SLC16A9: variants seen among roughly 807,000 people sequenced by gnomAD.
The protein encoded by SLC16A9 is solute carrier family 16 member 9.
In SLC16A9, 26 loss-of-function variants were observed where a neutral mutation model predicts 44.3. The ratio of observed to expected loss-of-function variants is 0.59; its 90% CI spans 0.43 to 0.81. The LOEUF (loss-of-function observed/expected upper bound fraction) is 0.81, where lower values mean the gene tolerates loss of function less well. Ranked by LOEUF, SLC16A9 falls within the 40% of genes least tolerant of loss-of-function variation. The pLI, the probability that SLC16A9 is intolerant of heterozygous loss-of-function variation, is 0.00. For synonymous variants in SLC16A9, 230 were observed against 225.1 expected (o/e 1.02, Z -0.19); for missense variants, 559 against 595.8 (o/e 0.94, Z 0.64).
chr10:59,687,203 C>G (rs1400166281), intron 1 of SLC16A9, among the ~76,000 whole-genome samples: 1 of 152,166 alleles, frequency 6.6e-6, no homozygotes, highest in African/African-American at 2.4e-5. Flanking sequence ...CCGTGCCTGG[C>G]CCCTAATTTC....
At chr10:59,690,363 T>C (rs35209863) in intron 1 of SLC16A9, among the ~76,000 whole-genome samples, 19,759 of 152,184 alleles carry the variant, frequency 0.13, 1,375 homozygotes, top group Non-Finnish European at 0.14. Flanking sequence ...TGGGAAGGTG[T>C]GTCCACGTGG....
rs576384821 is a variant in SLC16A9, at chr10:59,682,388, T to C, written c.196+1708A>G. Among the ~76,000 whole-genome samples, 14 of 152,334 alleles carry C rather than the reference T, an allele frequency of 9.2e-5. No individual in the cohort carries two copies. The East Asian group carries it at 2.3e-3, about 25-fold the overall frequency. On this transcript the variant is annotated intron_variant, in intron 2 of 5. Coordinates refer to ENST00000395348, the MANE Select transcript of SLC16A9 (RefSeq NM_194298.3). ...GCCTAAGAGTAAAGAGGGCTGCTCC[T>C]GGCTCTTGAGATGAGTTATCATCCA...
At chr10:59,666,440 TC>T (rs1164036905) in intron 3 of SLC16A9, among the ~76,000 whole-genome samples, 8 of 152,212 alleles carry the variant, frequency 5.3e-5, no homozygotes, top group Admixed American at 5.2e-4. Context: ...GTTAGTCAAG[TC>T]AAACCTATTT....
chr10:59,670,387 C>A (rs2132445666), intron 3 of SLC16A9, among the ~76,000 whole-genome samples: 1 of 152,312 alleles, frequency 6.6e-6, no homozygotes, highest in Non-Finnish European at 1.5e-5. Flanking sequence ...CTATGTCACC[C>A]ATCTTCACAA....
intron 1 of SLC16A9, among the ~76,000 whole-genome samples, chr10:59,701,995 C>G (rs1840533937): frequency 2.0e-5 from 3 of 152,140 alleles, no homozygotes. Context: ...AGGGACTAGC[C>G]CACAAGTCTA....
chr10:59,697,730 A>T (rs1024065263), intron 1 of SLC16A9, among the ~76,000 whole-genome samples: 3 of 150,310 alleles, frequency 2.0e-5, no homozygotes, highest in East Asian at 1.9e-4. Flanking sequence ...AATGATCAAT[A>T]AAAAAAATAA....
At chr10:59,664,094 G>T in intron 4 of SLC16A9, 133 bp downstream of exon 4, 1 of 378,388 alleles carries the variant, frequency 2.6e-6, no homozygotes, top group Non-Finnish European at 4.7e-6. Context: ...TTTCCTTCCA[G>T]AAGTAAAGAA....
intron 1 of SLC16A9, among the ~76,000 whole-genome samples, chr10:59,700,546 A>G (rs1156531633): frequency 6.6e-6 from 1 of 152,258 alleles, no homozygotes; most frequent in African/African-American, 2.4e-5. Flanking sequence ...TCTAGTAACC[A>G]TCCAAGCATA....
intron 1 of SLC16A9, among the ~76,000 whole-genome samples, chr10:59,703,161 C>G (rs1840561410): frequency 6.6e-6 from 1 of 152,204 alleles, no homozygotes; most frequent in Admixed American, 6.5e-5. Flanking sequence ...GCTGTGTTGC[C>G]AGGCTGGGGT....
At chr10:59,677,243 AC>A (rs1460130932) in intron 2 of SLC16A9, among the ~76,000 whole-genome samples, 1 of 149,140 alleles carries the variant, frequency 6.7e-6, no homozygotes, top group Admixed American at 6.7e-5. Context: ...AGTTACCACC[AC>A]TCCTGGCTAA....
At chr10:59,656,058 T>G (rs1200845535) in intron 4 of SLC16A9, among the ~76,000 whole-genome samples, 1 of 152,206 alleles carries the variant, frequency 6.6e-6, no homozygotes, top group African/African-American at 2.4e-5. Flanking sequence ...CATGCAAATA[T>G]TAATGTTTCA....
At chr10:59,686,977 G>C (rs139318513) in intron 1 of SLC16A9, among the ~76,000 whole-genome samples, 2 of 152,138 alleles carry the variant, frequency 1.3e-5, no homozygotes, top group Non-Finnish European at 2.9e-5. Flanking sequence ...GCACAATCTC[G>C]GCCCACAGCA....
chr10:59,668,015 C>G (rs1163363132), intron 3 of SLC16A9, among the ~76,000 whole-genome samples: 1 of 152,020 alleles, frequency 6.6e-6, no homozygotes, highest in Non-Finnish European at 1.5e-5. Context: ...CACCCACGGC[C>G]TAAATTATCA....
intron 4 of SLC16A9, among the ~76,000 whole-genome samples, chr10:59,657,707 G>GGTCA (rs1433696585): frequency 6.6e-6 from 1 of 152,150 alleles, no homozygotes; most frequent in African/African-American, 2.4e-5. Flanking sequence ...GGGAAACCTA[G>GGTCA]GTCAGAATTA....
At chr10:59,696,744 T>C (rs1290564588) in intron 1 of SLC16A9, among the ~76,000 whole-genome samples, 2 of 151,470 alleles carry the variant, frequency 1.3e-5, no homozygotes, top group Non-Finnish European at 2.9e-5. Flanking sequence ...GGAGTGTCTC[T>C]GCCCGGCCGC....
rs749649005 is a variant in SLC16A9, at chr10:59,654,023, T to C, written c.1003A>G (p.Asn335Asp). ...ATAATAAACTCTTCTTCTTTCACGT[T>C]TGAACTTCTTGCTACATCTTCCATA... is the stretch of plus-strand genomic sequence containing the variant. ...LLMEDVARSSNVKEEEFIMPL... is the reference protein window; with the variant it reads ...LLMEDVARSSDVKEEEFIMPL... Residue 335 changes from asparagine to aspartate, a missense_variant, in exon 5 of 6, where the codon AAC becomes GAC. Asn to Asp is a conservative substitution (Grantham distance 23, BLOSUM62 1). Transcript: ENST00000395348. 1 of 1,614,020 alleles carries C rather than the reference T, an allele frequency of 6.2e-7. No homozygotes were observed. Among genetic ancestry groups the C allele is most frequent in the South Asian group, 1.1e-5 (1 of 91,068 alleles).
At chr10:59,701,203 C>T (rs1305921647) in intron 1 of SLC16A9, among the ~76,000 whole-genome samples, 1 of 152,144 alleles carries the variant, frequency 6.6e-6, no homozygotes, top group Non-Finnish European at 1.5e-5. Context: ...CCCAGCTACC[C>T]GTCTCCAGCA....
In SLC16A9 at chr10:59,652,812, G is replaced by C. The variant is rs143367895; in HGVS notation, c.1490C>G (p.Ala497Gly). 163 of 1,612,368 alleles carry C rather than the reference G, an allele frequency of 1.0e-4. No individual in the cohort carries two copies. The African/African-American group carries it at 1.9e-3, about 19-fold the overall frequency. ...AACTTTGTACAAGAAAGTTGTTGGAGCTGGCTTGGGGAGTTGCTTGTTGCA... is the reference window on the plus strand; with the variant it reads ...AACTTTGTACAAGAAAGTTGTTGGACCTGGCTTGGGGAGTTGCTTGTTGCA... ...DTCNKQLPKP[A>G]PTTFLYKVAS... Residue 497 changes from alanine to glycine, a missense_variant, in exon 6 of 6, where the codon GCT becomes GGT. Coordinates refer to ENST00000395348, the MANE Select transcript of SLC16A9 (RefSeq NM_194298.3).
intron 1 of SLC16A9, among the ~76,000 whole-genome samples, chr10:59,695,211 G>T (rs150057071): frequency 6.6e-6 from 1 of 152,148 alleles, no homozygotes; most frequent in East Asian, 1.9e-4. Context: ...TTCTTCGGGG[G>T]TGATGAAAAT....
Sources: allele counts gnomAD v4.1 joint callset (sites outside exome capture counted in the v4.1 genomes callset), GRCh38; gene constraint gnomAD v4.1.1; transcripts MANE v1.5; gene names NCBI Gene and HGNC (gene_info 2026-07-23, HGNC 2026-07-21).